The following ASB3 variants were observed in gnomAD, a reference collection of about 807,000 sequenced individuals.
ASB3 encodes the protein ankyrin repeat and SOCS box containing 3, also known as ankyrin repeat and SOCS box protein 3.
Under a neutral mutation model 54.5 loss-of-function variants are expected in ASB3, and 41 were observed. The ratio of observed to expected loss-of-function variants is 0.75; its 90% CI spans 0.59 to 0.98. ASB3 has a LOEUF of 0.98. Ranked by LOEUF, ASB3 falls within the 50% of genes least tolerant of loss-of-function variation. The probability of loss-of-function intolerance (pLI) is 0.00; values close to 1 mark genes in which losing one functional copy is unlikely to be tolerated. For missense variants in ASB3, 733 were observed against 620.0 expected (o/e 1.18, Z -1.94); for synonymous variants, 266 against 221.2 (o/e 1.20, Z -1.80).
chr2:53,671,759 CA>C (rs201308530), intron 9 of ASB3, among the ~76,000 whole-genome samples: 19 of 110,712 alleles, frequency 1.7e-4, no homozygotes, highest in Admixed American at 1.6e-4. Context: ...AACTCCTTCT[CA>C]AAAAAAAAAA....
At chr2:53,762,897 G>C (rs979523070) in intron 2 of ASB3, among the ~76,000 whole-genome samples, 1 of 152,218 alleles carries the variant, frequency 6.6e-6, no homozygotes, top group African/African-American at 2.4e-5. Flanking sequence ...AGAAGACCAT[G>C]TATGGTACTC....
At chr2:53,726,875 G>A (rs1257712997) in intron 5 of ASB3, among the ~76,000 whole-genome samples, 4 of 151,668 alleles carry the variant, frequency 2.6e-5, no homozygotes, top group Non-Finnish European at 5.9e-5. Flanking sequence ...TGTATTTTCA[G>A]TAGAGACAGG....
In ASB3 at chr2:53,768,017, G is replaced by C. The variant is rs545896658; in HGVS notation, c.-13-2432C>G. The stretch of plus-strand genomic sequence containing the variant: ...AGCACGGACCACCGCGGGGTCCCCG[G>C]CAAGGTGAGGCGCCGGTCAGCTCCC... On this transcript the variant is annotated intron_variant, in intron 1 of 9. Coordinates refer to ENST00000263634, the MANE Select transcript of ASB3 (RefSeq NM_016115.5). The C allele has an allele frequency of 5.6e-6, 9 of 1,613,228 alleles. No homozygotes were observed. In the African/African-American group the frequency reaches 1.2e-4, roughly 21 times the overall value.
intron 7 of ASB3, among the ~76,000 whole-genome samples, chr2:53,713,607 G>C (rs951874937): frequency 6.6e-6 from 1 of 152,236 alleles, no homozygotes; most frequent in African/African-American, 2.4e-5. Flanking sequence ...TAATTATTTA[G>C]ACTCACATCC....
At chr2:53,739,198 G>A (rs1426212905) in intron 3 of ASB3, among the ~76,000 whole-genome samples, 1 of 152,096 alleles carries the variant, frequency 6.6e-6, no homozygotes, top group African/African-American at 2.4e-5. Context: ...ACATATCTTA[G>A]GTAACAAAAT....
chr2:53,732,863 G>A (rs955995357), intron 3 of ASB3, among the ~76,000 whole-genome samples: 38 of 152,168 alleles, frequency 2.5e-4, no homozygotes, highest in African/African-American at 5.1e-4. Context: ...CAAAGCCTCC[G>A]CTTTGGAAGA....
chr2:53,733,095 C>G (rs1010394704), intron 3 of ASB3, among the ~76,000 whole-genome samples: 1 of 152,196 alleles, frequency 6.6e-6, no homozygotes, highest in African/African-American at 2.4e-5. Context: ...GAGTCAACCA[C>G]TCACGTATCT....
At chr2:53,674,922 T>A (rs532643142) in intron 9 of ASB3, among the ~76,000 whole-genome samples, 1 of 152,096 alleles carries the variant, frequency 6.6e-6, no homozygotes, top group South Asian at 2.1e-4. Flanking sequence ...ATGGCCAGTA[T>A]AAAGGAATGA....
At chr2:53,723,141 G>C (rs1230663998) in intron 5 of ASB3, among the ~76,000 whole-genome samples, 1 of 151,980 alleles carries the variant, frequency 6.6e-6, no homozygotes, top group Non-Finnish European at 1.5e-5. Flanking sequence ...CCAAGGAGGT[G>C]AAAGATCTCT....
In ASB3 at chr2:53,774,213, C is replaced by T. The variant is rs773010269; in HGVS notation, c.-13-8628G>A. ...AAGAAGTAAAAGCATACCTTGACTT[C>T]AGAGAAAAAGGAGGCTACAGAACCA... On this transcript the variant is annotated intron_variant, in intron 1 of 9. Transcript: ENST00000263634. 28 of 1,613,824 alleles carry T rather than the reference C, an allele frequency of 1.7e-5. No homozygotes were observed. In the East Asian group the frequency reaches 4.7e-4, roughly 27 times the overall value.
chr2:53,671,351 A>AGAGT (rs1667802533), intron 9 of ASB3, among the ~76,000 whole-genome samples: 1 of 115,036 alleles, frequency 8.7e-6, no homozygotes, highest in African/African-American at 3.3e-5. Flanking sequence ...CTGAACCCAA[A>AGAGT]GCGTGTGTGT....
intron 1 of ASB3, among the ~76,000 whole-genome samples, chr2:53,766,630 G>A (rs1189327968): frequency 6.6e-6 from 1 of 152,158 alleles, no homozygotes; most frequent in Non-Finnish European, 1.5e-5. Flanking sequence ...TACAGCAACT[G>A]TGCAAAATGG....
At chr2:53,746,808 A>C (rs1479826891) in intron 3 of ASB3, among the ~76,000 whole-genome samples, 1 of 152,102 alleles carries the variant, frequency 6.6e-6, no homozygotes, top group Non-Finnish European at 1.5e-5. Flanking sequence ...ACAAACACTA[A>C]GGCTCTACTT....
At chr2:53,745,814 G>C (rs1374877752) in intron 3 of ASB3, among the ~76,000 whole-genome samples, 3 of 152,208 alleles carry the variant, frequency 2.0e-5, no homozygotes, top group Non-Finnish European at 4.4e-5. Flanking sequence ...TAACTCTACA[G>C]ATGGGAAAGG....
intron 1 of ASB3, among the ~76,000 whole-genome samples, chr2:53,783,889 T>C (rs1043511256): frequency 6.6e-6 from 1 of 152,082 alleles, no homozygotes; most frequent in African/African-American, 2.4e-5. Flanking sequence ...CTATGACAAA[T>C]GAGGACATGG....
chr2:53,678,906 C>A (rs1209527601), intron 9 of ASB3, among the ~76,000 whole-genome samples: 1 of 152,184 alleles, frequency 6.6e-6, no homozygotes, highest in Non-Finnish European at 1.5e-5. Context: ...TTCTTGTGCA[C>A]CACTTCAGAT....
chr2:53,779,408 A>G (rs1336228253), intron 1 of ASB3, among the ~76,000 whole-genome samples: 1 of 152,156 alleles, frequency 6.6e-6, no homozygotes, highest in East Asian at 1.9e-4. Flanking sequence ...TTGTACCCAA[A>G]TAAGACAAAC....
At chr2:53,681,740 C>G (rs1668381612) in intron 9 of ASB3, among the ~76,000 whole-genome samples, 1 of 152,072 alleles carries the variant, frequency 6.6e-6, no homozygotes, top group African/African-American at 2.4e-5. Flanking sequence ...ATGCCAGTAC[C>G]AGGCTGTTTT....
Position 53,711,125 on chromosome 2 carries a change from G to A in ASB3, c.980+3259C>T, listed in dbSNP as rs907062901. On this transcript the variant is annotated intron_variant, in intron 7 of 9. Coordinates refer to ENST00000263634, the MANE Select transcript of ASB3 (RefSeq NM_016115.5). ...TGTGTGGGCAACAGAATGAGATCCT[G>A]TCTCAAAAACAAAACAAAATAAAAA... is the stretch of plus-strand genomic sequence containing the variant. 3.9e-5 allele frequency among the ~76,000 whole-genome samples: 6 copies of A among 152,252 alleles called. No individual in the cohort carries two copies. The East Asian group carries it at 7.7e-4, about 20-fold the overall frequency.
Sources: allele counts gnomAD v4.1 joint callset (sites outside exome capture counted in the v4.1 genomes callset), GRCh38; gene constraint gnomAD v4.1.1; transcripts MANE v1.5; gene names NCBI Gene and HGNC (gene_info 2026-07-23, HGNC 2026-07-21).